Variants in RASGRF2 observed in about 807,000 individuals in gnomAD.
The protein encoded by RASGRF2 is Ras protein specific guanine nucleotide releasing factor 2.
A neutral mutation model predicts 151.0 loss-of-function variants in RASGRF2; 76 were observed. The observed-to-expected ratio is 0.50, with a 90% CI of 0.42 to 0.61. The LOEUF (loss-of-function observed/expected upper bound fraction) is 0.61, where lower values mean the gene tolerates loss of function less well. RASGRF2 is among the 20% of genes least tolerant of loss of function. The probability of loss-of-function intolerance (pLI) is 0.00; values close to 1 mark genes in which losing one functional copy is unlikely to be tolerated. For synonymous variants in RASGRF2, 504 were observed against 566.5 expected, an observed-to-expected ratio of 0.89 and a Z score of 1.57; for missense variants, 1,148 against 1,564.6, an observed-to-expected ratio of 0.73 and a Z score of 4.49.
intron 17 of RASGRF2, among the ~76,000 whole-genome samples, chr5:81,170,943 G>T (rs1273152887): frequency 6.6e-6 from 1 of 152,022 alleles, no homozygotes; most frequent in Non-Finnish European, 1.5e-5. Context: ...GTGCTTCCTG[G>T]TTTCCGCCCT....
At chr5:81,194,442 C>CT (rs71884545) in intron 18 of RASGRF2, among the ~76,000 whole-genome samples, 5,293 of 144,318 alleles carry the variant, frequency 0.037, 210 homozygotes, top group African/African-American at 0.1. Context: ...GTTTTTTGTT[C>CT]TTTTTTTTTT....
rs775720728 is a variant in RASGRF2 at position 81,127,027 on chromosome 5, T to C, written c.2597-47T>C. ...AATGATGATTTTTGTTACAGAATAT[T>C]ATCCATTTGCCTCACCATTCCATTT... On this transcript the variant is annotated intron_variant, in intron 16 of 26. Transcript: ENST00000265080. 8.9e-6 allele frequency: 14 copies of C among 1,578,678 alleles called. No individual in the cohort carries two copies. The Admixed American group carries it at 1.0e-4, about 11-fold the overall frequency.
intron 2 of RASGRF2, among the ~76,000 whole-genome samples, chr5:81,047,645 C>T (rs1401100738): frequency 6.6e-6 from 1 of 152,226 alleles, no homozygotes; most frequent in Non-Finnish European, 1.5e-5. Context: ...CCATAAAGCT[C>T]ACAGTCAGAT....
intron 15 of RASGRF2, among the ~76,000 whole-genome samples, chr5:81,121,444 A>G (rs895256254): frequency 6.6e-6 from 1 of 152,198 alleles, no homozygotes; most frequent in African/African-American, 2.4e-5. Flanking sequence ...GAAAAGTGCT[A>G]GTGACCTTTG....
chr5:80,976,171 GTA>G (rs1561534446), intron 1 of RASGRF2, among the ~76,000 whole-genome samples: 1 of 152,148 alleles, frequency 6.6e-6, no homozygotes, highest in Non-Finnish European at 1.5e-5. Context: ...TAGGCCTGTA[GTA>G]TACTAACTTG....
Position 81,120,488 on chromosome 5 carries a change from C to T in RASGRF2, c.2471-3154C>T, listed in dbSNP as rs548869471. On this transcript the variant is annotated intron_variant, in intron 15 of 26. Transcript: ENST00000265080. Reference sequence around the variant, plus strand: ...GTCCCAGTTACTCAGGAGGCTGAAGCGGGAGGATCACTTGAGCCTAAGAGG... The same window carrying T: ...GTCCCAGTTACTCAGGAGGCTGAAGTGGGAGGATCACTTGAGCCTAAGAGG... 1.1e-3 allele frequency among the ~76,000 whole-genome samples: 162 copies of T among 152,226 alleles called. No individual in the cohort carries two copies. In the South Asian group the frequency reaches 0.016, roughly 15 times the overall value.
chr5:81,103,657 G>T (rs1033217509), intron 12 of RASGRF2, among the ~76,000 whole-genome samples: 1 of 152,022 alleles, frequency 6.6e-6, no homozygotes, highest in Admixed American at 6.6e-5. Flanking sequence ...TAGACACGTC[G>T]AGGTAAAACT....
chr5:81,093,496 C>T (rs555054480), intron 10 of RASGRF2, among the ~76,000 whole-genome samples: 1 of 152,142 alleles, frequency 6.6e-6, no homozygotes, highest in Admixed American at 6.5e-5. Context: ...ACTGCAACCT[C>T]GAACTCCTAG....
chr5:81,142,926 C>A (rs1753918523), intron 17 of RASGRF2, among the ~76,000 whole-genome samples: 2 of 152,042 alleles, frequency 1.3e-5, no homozygotes, highest in Admixed American at 1.3e-4. Context: ...CTTAATGCAT[C>A]CAACTGGGTC....
chr5:81,004,870 T>C (rs1749213414), intron 1 of RASGRF2, among the ~76,000 whole-genome samples: 1 of 152,226 alleles, frequency 6.6e-6, no homozygotes, highest in Non-Finnish European at 1.5e-5. Context: ...AATGTGACGT[T>C]ATCAGTATTG....
chr5:81,055,038 G>T (rs546350940), intron 2 of RASGRF2, among the ~76,000 whole-genome samples: 2 of 152,252 alleles, frequency 1.3e-5, no homozygotes, highest in South Asian at 4.2e-4. Flanking sequence ...TGAGACGATG[G>T]GGTTTTCTAA....
In RASGRF2 at chr5:81,226,450, C is replaced by G. The variant is rs1756001594; in HGVS notation, c.*680C>G. 6.6e-6 allele frequency: 1 copy of G among 152,262 alleles called. No individual in the cohort carries two copies. The highest frequency in any genetic ancestry group is 1.9e-4 in the East Asian group (1 of 5,190). 9.4% of individuals were successfully genotyped at this position (152,262 alleles called of 1,614,324 possible). The stretch of plus-strand genomic sequence containing the variant: ...CTTAATTAAATGCAGTAGGCTGTGC[C>G]CCAGAGGATTCCAGACAGTGGCTGG... On this transcript the variant is annotated 3_prime_UTR_variant, in exon 27 of 27. Transcript: ENST00000265080.
At chr5:81,116,531 A>G (rs1753162741) in intron 15 of RASGRF2, among the ~76,000 whole-genome samples, 1 of 152,252 alleles carries the variant, frequency 6.6e-6, no homozygotes, top group East Asian at 1.9e-4. Context: ...CTTCAAAACA[A>G]CAACTCTCCT....
intron 15 of RASGRF2, among the ~76,000 whole-genome samples, chr5:81,120,016 C>G (rs142825207): frequency 3.9e-5 from 6 of 151,970 alleles, no homozygotes; most frequent in African/African-American, 1.5e-4. Context: ...TGGTGAAGCC[C>G]GTAGAGCCAA....
chr5:81,102,105 T>C (rs1310462995), intron 12 of RASGRF2, among the ~76,000 whole-genome samples: 1 of 152,216 alleles, frequency 6.6e-6, no homozygotes, highest in Non-Finnish European at 1.5e-5. Flanking sequence ...AAATCTCTTG[T>C]TGCCAGAAAC....
intron 17 of RASGRF2, among the ~76,000 whole-genome samples, chr5:81,158,319 A>C (rs916905567): frequency 3.9e-5 from 6 of 152,198 alleles, no homozygotes; most frequent in African/African-American, 7.2e-5. Context: ...ATAAAGATTA[A>C]TCCTAAATGT....
chr5:81,104,002 A>T (rs1009180573), intron 12 of RASGRF2, among the ~76,000 whole-genome samples: 1 of 152,160 alleles, frequency 6.6e-6, no homozygotes, highest in Non-Finnish European at 1.5e-5. Flanking sequence ...ATTGTAATTT[A>T]TGATGGGCAG....
intron 12 of RASGRF2, among the ~76,000 whole-genome samples, chr5:81,107,482 C>A (rs756961527): frequency 1.3e-5 from 2 of 152,184 alleles, no homozygotes; most frequent in African/African-American, 2.4e-5. Context: ...GATTAATTGA[C>A]TTTCTACTAA....
chr5:81,034,089 C>T (rs886499379), intron 1 of RASGRF2, among the ~76,000 whole-genome samples: 9 of 152,016 alleles, frequency 5.9e-5, no homozygotes. Flanking sequence ...CAAATCAAAA[C>T]CACAATGAGA....
Sources: gnomAD v4.1 joint callset for allele counts (sites outside exome capture counted in the v4.1 genomes callset) on GRCh38, gnomAD v4.1.1 for gene constraint, MANE v1.5 for transcripts, NCBI Gene and HGNC (gene_info 2026-07-23, HGNC 2026-07-21) for gene names.